CAMSAP1: variants seen among roughly 807,000 people sequenced by gnomAD.
CAMSAP1 encodes calmodulin regulated spectrin associated protein 1.
A neutral mutation model predicts 143.5 loss-of-function variants in CAMSAP1; 58 were observed. The ratio of observed to expected loss-of-function variants is 0.40; its 90% CI spans 0.33 to 0.50. CAMSAP1 has a LOEUF of 0.50. CAMSAP1 is among the 20% of genes least tolerant of loss of function. CAMSAP1 has a pLI of 0.45. For synonymous variants in CAMSAP1, 945 were observed against 859.3 expected (o/e 1.10, Z -1.74); for missense variants, 1,969 against 2,115.7 (o/e 0.93, Z 1.36).
Position 135,826,595 on chromosome 9 carries a change from T to C in CAMSAP1, c.1223+812A>G, listed in dbSNP as rs564687629. 1.3e-5 allele frequency among the ~76,000 whole-genome samples: 2 copies of C among 152,378 alleles called. No homozygotes were observed. Among genetic ancestry groups the C allele is most frequent in the South Asian group, 4.1e-4 (2 of 4,830 alleles). On this transcript the variant is annotated intron_variant, in intron 8 of 16. Coordinates refer to ENST00000389532, the MANE Select transcript of CAMSAP1 (RefSeq NM_015447.4). The surrounding 1 kb of genome is among the most constrained non-coding windows in gnomAD (Gnocchi z 4.4). ...CAACCTGAAACAACTGAGTTCGTTCTATGCCATGCTGTCTCACTGAACCAT... is the reference window on the plus strand; with the variant it reads ...CAACCTGAAACAACTGAGTTCGTTCCATGCCATGCTGTCTCACTGAACCAT...
intron 1 of CAMSAP1, among the ~76,000 whole-genome samples, chr9:135,900,710 AG>A (rs1249453990): frequency 1.3e-5 from 2 of 151,826 alleles, no homozygotes; most frequent in Non-Finnish European, 1.5e-5. Context: ...AAAGAAAGAG[AG>A]GACTAGGTGG....
At chr9:135,875,622 G>T (rs1175540359) in intron 3 of CAMSAP1, among the ~76,000 whole-genome samples, 4 of 152,202 alleles carry the variant, frequency 2.6e-5, no homozygotes, top group Admixed American at 2.0e-4. Context: ...ATAGAATCCA[G>T]AAACAGACTC....
chr9:135,869,218 T>C (rs143312589), intron 3 of CAMSAP1, among the ~76,000 whole-genome samples: 38 of 151,946 alleles, frequency 2.5e-4, no homozygotes, highest in African/African-American at 7.0e-4. Flanking sequence ...AAAGAAGATA[T>C]ACAGTCAGGC....
chr9:135,881,551 A>C (rs1157828661), intron 3 of CAMSAP1, 82 bp downstream of exon 3: 1 of 1,463,306 alleles, frequency 6.8e-7, no homozygotes, highest in African/African-American at 1.4e-5. Context: ...TCAGCGTGAC[A>C]GACAAGGTGT....
chr9:135,856,246 C>T (rs1836966157), intron 5 of CAMSAP1, among the ~76,000 whole-genome samples: 1 of 152,146 alleles, frequency 6.6e-6, no homozygotes, highest in Non-Finnish European at 1.5e-5. Context: ...GCCTCACCAT[C>T]ATGGCGGAAG....
At chr9:135,903,131 G>A (rs984075634) in intron 1 of CAMSAP1, among the ~76,000 whole-genome samples, 11 of 152,170 alleles carry the variant, frequency 7.2e-5, no homozygotes, top group Non-Finnish European at 1.2e-4. Flanking sequence ...CACAGTGGCC[G>A]AGATCAACGC....
Position 135,862,559 on chromosome 9 carries a change from G to A in CAMSAP1, c.716C>T (p.Pro239Leu), listed in dbSNP as rs1300287272. The A allele has an allele frequency of 2.6e-6, 4 of 1,551,646 alleles. No individual in the cohort carries two copies. The highest frequency in any genetic ancestry group is 3.5e-6 in the Non-Finnish European group (4 of 1,146,982). Residue 239 changes from proline to leucine, a missense_variant, in exon 5 of 17, where the codon CCG becomes CTG. This residue lies in a region of CAMSAP1 where 221 missense variants were observed against 298.2 expected (regional missense o/e 0.74). Coordinates refer to ENST00000389532, the MANE Select transcript of CAMSAP1 (RefSeq NM_015447.4). ...GTCTCTCATCAAATCCTCCAACAAC[G>A]GGAAGTAGGGTGACTGCCTAGCAGA... ...HLSARQSPYF[P>L]LLEDLMRDGS...
chr9:135,825,945 C>T (rs550763044), intron 8 of CAMSAP1, among the ~76,000 whole-genome samples: 10 of 152,084 alleles, frequency 6.6e-5, no homozygotes, highest in African/African-American at 1.2e-4. Flanking sequence ...GCAGGGAGCC[C>T]GGGGGGAAGC....
At chr9:135,844,036 T>C (rs1434840796) in intron 7 of CAMSAP1, among the ~76,000 whole-genome samples, 1 of 152,042 alleles carries the variant, frequency 6.6e-6, no homozygotes, top group Non-Finnish European at 1.5e-5. Context: ...CTGTCAATAT[T>C]AGACAGATCG....
intron 7 of CAMSAP1, among the ~76,000 whole-genome samples, chr9:135,828,371 C>T (rs1321797863): frequency 6.6e-6 from 1 of 152,134 alleles, no homozygotes; most frequent in Non-Finnish European, 1.5e-5. Flanking sequence ...GAGCGGGTGG[C>T]GGCTGCACTG....
chr9:135,810,886 A>G lies in CAMSAP1; in HGVS notation c.*423T>C. 1 of 192,804 alleles carries G rather than the reference A, an allele frequency of 5.2e-6. No individual in the cohort carries two copies. The highest frequency in any genetic ancestry group is 1.1e-5 in the Non-Finnish European group (1 of 92,348). The allele number at this position is 192,804 out of a possible 1,614,324, so 11.9% of individuals were successfully genotyped here. ...CACGAGATTACAGCTGGCCAATATG[A>G]GGGTGTCAGGCAATGTGCAAGGGGG... On this transcript the variant is annotated 3_prime_UTR_variant, in exon 17 of 17. Transcript: ENST00000389532.
chr9:135,843,155 C>T (rs1255282811), intron 7 of CAMSAP1, among the ~76,000 whole-genome samples: 1 of 151,974 alleles, frequency 6.6e-6, no homozygotes, highest in African/African-American at 2.4e-5. Context: ...TGGAGAAACC[C>T]CGTCTCTACT....
intron 16 of CAMSAP1, among the ~76,000 whole-genome samples, chr9:135,814,578 C>T (rs533269795): frequency 4.7e-4 from 72 of 152,340 alleles, no homozygotes; most frequent in Admixed American, 1.3e-3. Context: ...GCTCCGGAGT[C>T]CACACGCTCA....
rs189504679 is a variant in CAMSAP1 at position 135,849,082 on chromosome 9, C to A, written c.1045+1055G>T. ...CTCAGCTTACAATGGGGTCATGCCCCAATAAACCCATCGTAAACTGAAAAT... is the reference window on the plus strand; with the variant it reads ...CTCAGCTTACAATGGGGTCATGCCCAAATAAACCCATCGTAAACTGAAAAT... On this transcript the variant is annotated intron_variant, in intron 7 of 16. Coordinates refer to ENST00000389532, the MANE Select transcript of CAMSAP1 (RefSeq NM_015447.4). Among the ~76,000 whole-genome samples the A allele has an allele frequency of 2.1e-4, 32 of 152,348 alleles. No individual in the cohort carries two copies. In the Middle Eastern group the frequency reaches 0.01, roughly 49 times the overall value.
In CAMSAP1 at chr9:135,822,304, T is replaced by C. The variant is rs1438971882; in HGVS notation, c.2357A>G (p.Asp786Gly). 1.2e-6 allele frequency: 2 copies of C among 1,614,040 alleles called. No individual in the cohort carries two copies. The highest frequency in any genetic ancestry group is 2.2e-5 in the East Asian group (1 of 44,878). ...GGGGCTCGAGCGGCCGCTGGCGTCA[T>C]CTTTGTCTTCATGTTCCTTCACCTT... ...DMKVKEHEDK[D>G]DASGRSSPCL... The change falls in exon 11 of 17, where the codon GAT becomes GGT. Residue 786 changes from aspartate (D) to glycine (G), a missense_variant. By Grantham distance (94) the Asp-to-Gly change is moderately conservative. Coordinates refer to ENST00000389532, the MANE Select transcript of CAMSAP1 (RefSeq NM_015447.4). This position sits in a 1 kb window ranked among gnomAD's most constrained non-coding sequence, Gnocchi z 6.1.
intron 1 of CAMSAP1, among the ~76,000 whole-genome samples, chr9:135,904,723 C>A (rs971800629): frequency 3.3e-5 from 5 of 152,032 alleles, no homozygotes; most frequent in African/African-American, 1.2e-4. Context: ...AATCCCAGCA[C>A]TTTGGGAGGC....
At chr9:135,868,356 C>G (rs1254470778) in intron 3 of CAMSAP1, among the ~76,000 whole-genome samples, 1 of 152,132 alleles carries the variant, frequency 6.6e-6, no homozygotes, top group East Asian at 1.9e-4. Flanking sequence ...CACCTGTGCA[C>G]CTGACTGAGT....
chr9:135,836,632 A>G, intron 7 of CAMSAP1: 18 of 980,668 alleles, frequency 1.8e-5, no homozygotes, highest in Non-Finnish European at 2.2e-5. Flanking sequence ...ACCCTGTTCT[A>G]CAGACACACA....
chr9:135,849,459 A>G (rs1009135183), intron 7 of CAMSAP1, among the ~76,000 whole-genome samples: 2 of 152,308 alleles, frequency 1.3e-5, no homozygotes, highest in African/African-American at 2.4e-5. Context: ...GCTTTTCACA[A>G]ATCAGTTAGG....
Sources: allele counts gnomAD v4.1 joint callset (sites outside exome capture counted in the v4.1 genomes callset), GRCh38; gene constraint gnomAD v4.1.1; regional missense constraint gnomAD v4.1.1; non-coding constraint Gnocchi (gnomAD v3.1); transcripts MANE v1.5; gene names NCBI Gene and HGNC (gene_info 2026-07-23, HGNC 2026-07-21).